ZFPM2: variants seen among roughly 807,000 people sequenced by gnomAD.
ZFPM2 encodes zinc finger protein, FOG family member 2.
ZFPM2 carries 20 observed loss-of-function variants against 98.6 expected under a neutral mutation model. That is an observed-to-expected ratio of 0.20 (90% CI 0.14 to 0.29). ZFPM2 has a LOEUF of 0.29. Among genes scored for constraint, ZFPM2 ranks in the 10% least tolerant of loss-of-function variants. The pLI, the probability that ZFPM2 is intolerant of heterozygous loss-of-function variation, is 1.00. For synonymous variants in ZFPM2, 518 were observed against 502.7 expected (o/e 1.03, Z -0.41); for missense variants, 1,310 against 1,388.6 (o/e 0.94, Z 0.90).
intron 5 of ZFPM2, among the ~76,000 whole-genome samples, chr8:105,697,368 A>G (rs961289922): frequency 6.6e-6 from 1 of 152,214 alleles, no homozygotes; most frequent in African/African-American, 2.4e-5. Flanking sequence ...AACAATTTCC[A>G]TAATGCTGTC....
chr8:105,334,163 G>T (rs1474124843), intron 1 of ZFPM2, among the ~76,000 whole-genome samples: 3 of 136,740 alleles, frequency 2.2e-5, no homozygotes, highest in Non-Finnish European at 4.5e-5. Flanking sequence ...TGTGTGTGGT[G>T]GGGGGAGGGG....
At chr8:105,637,134 A>G (rs1306491848) in intron 5 of ZFPM2, among the ~76,000 whole-genome samples, 1 of 152,138 alleles carries the variant, frequency 6.6e-6, no homozygotes, top group African/African-American at 2.4e-5. Context: ...TTTTACACCT[A>G]TGACTTAGAG....
At chr8:105,530,002 T>C (rs774473119) in intron 3 of ZFPM2, among the ~76,000 whole-genome samples, 1 of 152,092 alleles carries the variant, frequency 6.6e-6, no homozygotes, top group South Asian at 2.1e-4. Flanking sequence ...CTTTGAACTT[T>C]TAATTCATAT....
intron 2 of ZFPM2, among the ~76,000 whole-genome samples, chr8:105,440,941 A>G (rs1222642862): frequency 2.0e-5 from 3 of 151,906 alleles, no homozygotes; most frequent in Admixed American, 6.6e-5. Flanking sequence ...CACGAGGTCA[A>G]GAGATCGCGA....
chr8:105,330,611 CACATATATATATATATATATACATAT>C (rs1812209371), intron 1 of ZFPM2, among the ~76,000 whole-genome samples: 2 of 76,180 alleles, frequency 2.6e-5, no homozygotes, highest in African/African-American at 7.1e-5. Context: ...TATATATATA[CACATATATATATATATATATACATAT>C]ATATATATAT....
At chr8:105,336,361 G>A (rs1226660879) in intron 1 of ZFPM2, among the ~76,000 whole-genome samples, 2 of 151,672 alleles carry the variant, frequency 1.3e-5, no homozygotes, top group Non-Finnish European at 2.9e-5. Flanking sequence ...TAGATTATTA[G>A]TATTTTTGAG....
intron 3 of ZFPM2, among the ~76,000 whole-genome samples, chr8:105,505,647 A>C (rs1051087574): frequency 1.3e-5 from 2 of 152,154 alleles, no homozygotes; most frequent in Non-Finnish European, 2.9e-5. Flanking sequence ...GCTAAAAACC[A>C]TGTAAGAAAG....
chr8:105,348,395 T>C (rs376571630), intron 1 of ZFPM2, among the ~76,000 whole-genome samples: 7 of 152,338 alleles, frequency 4.6e-5, no homozygotes, highest in Admixed American at 3.3e-4. Context: ...TGTCTCATCA[T>C]GTGACACACA....
At chr8:105,685,171 A>G (rs1810702386) in intron 5 of ZFPM2, among the ~76,000 whole-genome samples, 1 of 152,106 alleles carries the variant, frequency 6.6e-6, no homozygotes, top group South Asian at 2.1e-4. Context: ...ACTGTCCAAT[A>G]CAGTAGACAC....
At chr8:105,547,609 C>T (rs1225427091) in intron 3 of ZFPM2, among the ~76,000 whole-genome samples, 4 of 142,598 alleles carry the variant, frequency 2.8e-5, no homozygotes, top group South Asian at 2.3e-4. Flanking sequence ...ACTTTAAATT[C>T]GTGGTTTTAC....
chr8:105,338,234 TCTTC>T (rs1812362565), intron 1 of ZFPM2, among the ~76,000 whole-genome samples: 1 of 151,780 alleles, frequency 6.6e-6, no homozygotes, highest in South Asian at 2.1e-4. Context: ...ACTTATGACC[TCTTC>T]CTTCCAAATA....
At chr8:105,580,827 C>CTATATATATATA (rs3049323) in intron 4 of ZFPM2, among the ~76,000 whole-genome samples, 10 of 131,454 alleles carry the variant, frequency 7.6e-5, no homozygotes, top group African/African-American at 2.5e-4. Flanking sequence ...CTCTCTCTCT[C>CTATATATATATA]TATATATATA....
At chr8:105,799,201 TA>T (rs1563571740) in intron 7 of ZFPM2, among the ~76,000 whole-genome samples, 1 of 152,186 alleles carries the variant, frequency 6.6e-6, no homozygotes. Flanking sequence ...ACTGAGGTTT[TA>T]AAAAAGCACA....
chr8:105,392,956 G>T (rs536402210), intron 1 of ZFPM2, among the ~76,000 whole-genome samples: 83 of 152,218 alleles, frequency 5.5e-4, no homozygotes, highest in Middle Eastern at 3.4e-3. Context: ...TATGTGTAAG[G>T]CTGCCTTTTC....
Position 105,803,211 on chromosome 8 carries a change from AGTGAAT to A in ZFPM2, c.3131_3136del (p.Val1044_Asn1045del), listed in dbSNP as rs1563575439. 1 of 1,613,098 alleles carries A rather than the reference AGTGAAT, an allele frequency of 6.2e-7. No individual in the cohort carries two copies. Among genetic ancestry groups the A allele is most frequent in the South Asian group, 1.1e-5 (1 of 91,002 alleles). ...TGCCCAAAAATCGAGGAATGGTAAT[AGTGAAT>A]GGTGGACTGAAACAAGATGAGAGAC... On this transcript the variant is annotated inframe_deletion, in exon 8 of 8. Coordinates refer to ENST00000407775, the MANE Select transcript of ZFPM2 (RefSeq NM_012082.4).
intron 3 of ZFPM2, among the ~76,000 whole-genome samples, chr8:105,524,246 C>A (rs1423972023): frequency 6.6e-6 from 1 of 152,110 alleles, no homozygotes; most frequent in African/African-American, 2.4e-5. Flanking sequence ...TTAAGGTTGT[C>A]ATAATTGTTG....
chr8:105,750,012 C>T (rs867355381), intron 5 of ZFPM2, among the ~76,000 whole-genome samples: 12 of 151,714 alleles, frequency 7.9e-5, no homozygotes, highest in Non-Finnish European at 1.6e-4. Context: ...AAACAAAGAA[C>T]GAAAAAATTG....
intron 5 of ZFPM2, among the ~76,000 whole-genome samples, chr8:105,711,062 A>T (rs1287630366): frequency 6.6e-6 from 1 of 151,950 alleles, no homozygotes; most frequent in African/African-American, 2.4e-5. Context: ...AAGGTTTTTT[A>T]AAAGTATTCC....
chr8:105,588,441 T>C (rs1166163446), intron 4 of ZFPM2, among the ~76,000 whole-genome samples: 1 of 152,190 alleles, frequency 6.6e-6, no homozygotes, highest in African/African-American at 2.4e-5. Context: ...AACCACATTT[T>C]ATATAAAAAC....
Sources: gnomAD v4.1 joint callset for allele counts (sites outside exome capture counted in the v4.1 genomes callset) on GRCh38, gnomAD v4.1.1 for gene constraint, MANE v1.5 for transcripts, NCBI Gene and HGNC (gene_info 2026-07-23, HGNC 2026-07-21) for gene names.